Variants in PBRM1 observed in about 807,000 individuals in gnomAD.
PBRM1 encodes the protein protein polybromo-1.
In PBRM1, 27 loss-of-function variants were observed where a neutral mutation model predicts 194.5. That is an observed-to-expected ratio of 0.14 (90% CI 0.10 to 0.19). The LOEUF (loss-of-function observed/expected upper bound fraction) is 0.19, where lower values mean the gene tolerates loss of function less well. Among genes scored for constraint, PBRM1 ranks in the 10% least tolerant of loss-of-function variants. The pLI is 1.00. For synonymous variants in PBRM1, 655 were observed against 693.2 expected, an observed-to-expected ratio of 0.94 and a Z score of 0.87; for missense variants, 1,466 against 2,077.2, an observed-to-expected ratio of 0.71 and a Z score of 5.72.
intron 1 of PBRM1, among the ~76,000 whole-genome samples, chr3:52,685,153 A>T (rs1404678665): frequency 6.6e-6 from 1 of 152,150 alleles, no homozygotes; most frequent in African/African-American, 2.4e-5. Flanking sequence ...GGCTTTTTCT[A>T]TATTTTTGCA....
At chr3:52,634,482 T>G in intron 11 of PBRM1, 120 bp downstream of exon 12, 2 of 665,742 alleles carry the variant, frequency 3.0e-6, no homozygotes, top group East Asian at 2.7e-5. Flanking sequence ...AAATTTGAGG[T>G]TAAAAAAAAA....
intron 24 of PBRM1, among the ~76,000 whole-genome samples, chr3:52,563,005 TCTAA>T (rs2084048939): frequency 6.6e-6 from 1 of 152,170 alleles, no homozygotes; most frequent in Admixed American, 6.5e-5. Flanking sequence ...GGAAGAGTCT[TCTAA>T]CTAAGCCCAC....
At chr3:52,546,610 C>G, downstream of PBRM1, 1 of 231,492 alleles carries the variant, frequency 4.3e-6, no homozygotes, top group Non-Finnish European at 8.6e-6. Context: ...GAGATTAACT[C>G]TCTCAGATTA....
At chr3:52,546,647 A>G (rs2079718124), downstream of PBRM1, 2 of 232,134 alleles carry the variant, frequency 8.6e-6, no homozygotes, top group East Asian at 6.1e-5. Flanking sequence ...CTCTACCACA[A>G]TGGCAATCAC....
chr3:52,663,992 G>A (rs939717985), intron 3 of PBRM1, among the ~76,000 whole-genome samples: 6 of 151,456 alleles, frequency 4.0e-5, no homozygotes, highest in African/African-American at 9.7e-5. Context: ...CCGGGGAGGC[G>A]GAGCTTGCAG....
chr3:52,608,491 A>C (rs2094459249), intron 16 of PBRM1, among the ~76,000 whole-genome samples: 1 of 152,208 alleles, frequency 6.6e-6, no homozygotes, highest in Non-Finnish European at 1.5e-5. Context: ...AAAGACACTG[A>C]AAGCAAACAT....
At position 52,615,350 on chromosome 3, in the gene PBRM1, C is replaced by A; in HGVS notation, c.1924+1G>T. On this transcript the variant is annotated splice_donor_variant, in intron 15 of 29. Coordinates refer to ENST00000296302, the Ensembl canonical transcript of PBRM1. LOFTEE classifies it high-confidence loss of function. ...AATAATGAAGTGTGAGGCTGCCTTA[C>A]TCAGCTTGAGTTTGGGAGAAGCCAT... 6.3e-7 allele frequency: 1 copy of A among 1,575,104 alleles called. No individual in the cohort carries two copies. The highest frequency in any genetic ancestry group is 8.7e-7 in the Non-Finnish European group (1 of 1,144,500).
upstream of PBRM1, among the ~76,000 whole-genome samples, chr3:52,684,046 T>G (rs992969513): frequency 6.6e-6 from 1 of 151,708 alleles, no homozygotes; most frequent in Non-Finnish European, 1.5e-5. Context: ...TGCACATCAG[T>G]AATCCCAGCT....
intron 18 of PBRM1, 25 bp from the exon 21 acceptor site, chr3:52,587,535 G>T: frequency 6.5e-7 from 1 of 1,543,150 alleles, no homozygotes. Context: ...GTGGGGGAAG[G>T]GGAAGAGAAA....
chr3:52,649,202 C>T (rs2096416941), intron 6 of PBRM1, among the ~76,000 whole-genome samples: 1 of 152,106 alleles, frequency 6.6e-6, no homozygotes, highest in Admixed American at 6.6e-5. Context: ...GTGGGACTAC[C>T]AACAACTACG....
intron 22 of PBRM1, among the ~76,000 whole-genome samples, chr3:52,568,229 T>C (rs1425417085): frequency 6.6e-6 from 1 of 152,214 alleles, no homozygotes; most frequent in Non-Finnish European, 1.5e-5. Flanking sequence ...TCCACCCACC[T>C]TGGCCTCCCA....
chr3:52,630,296 T>C (rs1310332973), intron 11 of PBRM1, among the ~76,000 whole-genome samples: 1 of 152,212 alleles, frequency 6.6e-6, no homozygotes, highest in Non-Finnish European at 1.5e-5. Flanking sequence ...CTGCTTACTC[T>C]TCCATTTTTG....
chr3:52,558,556 G>T, intron 25 of PBRM1, 143 bp from the exon 28 acceptor site: 1 of 643,604 alleles, frequency 1.6e-6, no homozygotes, highest in Non-Finnish European at 2.4e-6. Context: ...TCTCAACACA[G>T]GAGGAGTCGG....
At position 52,616,709 on chromosome 3, in the gene PBRM1, G is replaced by A. The variant is rs558079341; in HGVS notation, c.1818+553C>T. Among the ~76,000 whole-genome samples, 3 of 152,276 alleles carry A rather than the reference G, an allele frequency of 2.0e-5. No individual in the cohort carries two copies. The South Asian group carries it at 6.2e-4, about 32-fold the overall frequency. On this transcript the variant is annotated intron_variant, in intron 14 of 29. Transcript: ENST00000296302. ...CTCCGTCTCAAAAAAAAATCAAGAT[G>A]CTCTGTAGCAAAATCAATTAAATAA...
Position 52,609,350 on chromosome 3 carries a change from T to C in PBRM1, c.2530A>G (p.Met844Val), listed in dbSNP as rs1313358258. The C allele has an allele frequency of 1.2e-6, 2 of 1,613,914 alleles. No homozygotes were observed. The highest frequency in any genetic ancestry group is 1.7e-5 in the Admixed American group (1 of 60,008). ...CTTGCTCGTTCCAATACTTCAAACA[T>C]ATGCTCTTGAAATAAATCAAGCCGA... The change falls in exon 16 of 30, where the codon ATG becomes GTG. Residue 844 changes from methionine to valine, a missense_variant. Around this residue, in one of 5 missense-constraint regions of PBRM1, gnomAD observed 687 missense variants for 946.2 expected, o/e 0.73. Transcript: ENST00000296302. This position sits in a 1 kb window ranked among gnomAD's most constrained non-coding sequence, Gnocchi z 4.1.
chr3:52,551,460 A>G (rs911714294), intron 27 of PBRM1, among the ~76,000 whole-genome samples: 2 of 152,200 alleles, frequency 1.3e-5, no homozygotes, highest in African/African-American at 4.8e-5. Context: ...ATGCAAAATG[A>G]CAAAGGAACA....
chr3:52,667,490 C>T (rs866865357), intron 3 of PBRM1, among the ~76,000 whole-genome samples: 12 of 152,224 alleles, frequency 7.9e-5, no homozygotes, highest in East Asian at 1.9e-4. Context: ...TGGTCGCTCA[C>T]GCCTGTTGTC....
chr3:52,665,657 T>C (rs1420223308), intron 3 of PBRM1, among the ~76,000 whole-genome samples: 1 of 152,146 alleles, frequency 6.6e-6, no homozygotes, highest in Non-Finnish European at 1.5e-5. Context: ...GAACTGAGCA[T>C]GCAAGAGATC....
intron 13 of PBRM1, among the ~76,000 whole-genome samples, chr3:52,618,008 C>T (rs913564538): frequency 1.3e-5 from 2 of 152,170 alleles, no homozygotes; most frequent in Admixed American, 6.5e-5. Context: ...AAGACAAGTA[C>T]TCCTGAACAC....
Sources: allele counts gnomAD v4.1 joint callset (sites outside exome capture counted in the v4.1 genomes callset), GRCh38; gene constraint gnomAD v4.1.1; regional missense constraint gnomAD v4.1.1; non-coding constraint Gnocchi (gnomAD v3.1); transcripts MANE v1.5; gene names NCBI Gene and HGNC (gene_info 2026-07-23, HGNC 2026-07-21).